The following ARHGEF10 variants were observed in gnomAD, a reference collection of about 807,000 sequenced individuals.
ARHGEF10 encodes Rho guanine nucleotide exchange factor (GEF) 10.
In ARHGEF10, 140 loss-of-function variants were observed where a neutral mutation model predicts 147.4. The ratio of observed to expected loss-of-function variants is 0.95; its 90% confidence interval spans 0.83 to 1.09. The LOEUF (loss-of-function observed/expected upper bound fraction) is 1.09, where lower values mean the gene tolerates loss of function less well. Among genes scored for constraint, ARHGEF10 ranks in the 50% least tolerant of loss-of-function variants. The pLI is 0.00. For missense variants in ARHGEF10, 2,222 were observed against 1,752.7 expected, an observed-to-expected ratio of 1.27 and a Z score of -4.78; for synonymous variants, 902 against 695.8, an observed-to-expected ratio of 1.30 and a Z score of -4.67.
intron 23 of ARHGEF10, 154 bp downstream of exon 23, chr8:1,926,617 G>A: frequency 1.4e-6 from 1 of 728,174 alleles, no homozygotes; most frequent in Non-Finnish European, 2.5e-6. Context: ...CTTTGAAAGG[G>A]AGCTGATCAC....
intron 17 of ARHGEF10, among the ~76,000 whole-genome samples, chr8:1,908,609 C>G (rs1204662638): frequency 6.6e-6 from 1 of 152,146 alleles, no homozygotes; most frequent in Non-Finnish European, 1.5e-5. Flanking sequence ...ATGGTTGATT[C>G]TGGAGGGTGG....
chr8:1,911,163 A>G (rs1312163123), intron 18 of ARHGEF10, among the ~76,000 whole-genome samples: 1 of 152,240 alleles, frequency 6.6e-6, no homozygotes. Context: ...GAAATATGCC[A>G]CATTGGAGAG....
At position 1,896,400 on chromosome 8, in the gene ARHGEF10, T is replaced by C; in HGVS notation, c.1508T>C (p.Val503Ala). Residue 503 changes from valine (V) to alanine (A), a missense_variant, in exon 14 of 29, where the codon GTC becomes GCC. Transcript: ENST00000349830. ...YVNNFSTAVA[V>A]LKKTCATKPA... ...AACAATTTCAGCACAGCCGTGGCAGTCCTCAAGAAAACATGTGCCACAAAG... is the reference window on the plus strand; with the variant it reads ...AACAATTTCAGCACAGCCGTGGCAGCCCTCAAGAAAACATGTGCCACAAAG... The C allele has an allele frequency of 1.2e-6, 2 of 1,614,108 alleles. No homozygotes were observed. The highest frequency in any genetic ancestry group is 1.7e-6 in the Non-Finnish European group (2 of 1,180,042).
At chr8:1,953,473 C>T (rs947898982) in intron 28 of ARHGEF10, among the ~76,000 whole-genome samples, 1 of 152,262 alleles carries the variant, frequency 6.6e-6, no homozygotes, top group Non-Finnish European at 1.5e-5. Flanking sequence ...CAGGCTGGAA[C>T]ACATGGCCTT....
At position 1,852,554 on chromosome 8, in the gene ARHGEF10, C is replaced by A. The variant is rs115896532; in HGVS notation, c.38-5406C>A. 8.6e-3 allele frequency among the ~76,000 whole-genome samples: 1,272 copies of A among 148,076 alleles called. 29 individuals carry two copies. Among genetic ancestry groups the A allele is most frequent in the African/African-American group, 0.03 (1,189 of 39,808 alleles). On this transcript the variant is annotated intron_variant, in intron 2 of 28. Transcript: ENST00000349830. ...CCTCTCCATCATCCTGGAGAGAACCCGGGAGCAGCACCTTTTCTAGCAGCA... is the reference window on the plus strand; with the variant it reads ...CCTCTCCATCATCCTGGAGAGAACCAGGGAGCAGCACCTTTTCTAGCAGCA...
In ARHGEF10 at chr8:1,956,991, G is replaced by C. The variant is rs145754440; in HGVS notation, c.3763G>C (p.Asp1255His). The stretch of plus-strand genomic sequence containing the variant: ...GCTGGGATCGATGACTCAGAAAAGC[G>C]ACCTGTCCTCCTCATCTGGGTCCCT... ...DSLGSMTQKS[D>H]LSSSSGSLSL... Residue 1255 changes from aspartate to histidine, a missense_variant, in exon 29 of 29, where the codon GAC (aspartate) becomes CAC (histidine). By Grantham distance (81) the Asp-to-His change is moderately conservative. Coordinates refer to ENST00000349830, the MANE Select transcript of ARHGEF10 (RefSeq NM_014629.4). 1.2e-6 allele frequency: 2 copies of C among 1,614,002 alleles called. No individual in the cohort carries two copies. Among genetic ancestry groups the C allele is most frequent in the Non-Finnish European group, 8.5e-7 (1 of 1,180,048 alleles).
At chr8:1,909,091 T>A (rs1383220827) in intron 17 of ARHGEF10, among the ~76,000 whole-genome samples, 3 of 152,216 alleles carry the variant, frequency 2.0e-5, no homozygotes, top group Non-Finnish European at 4.4e-5. Context: ...TTCCCTGCAC[T>A]CTCTCTCATC....
intron 2 of ARHGEF10, among the ~76,000 whole-genome samples, chr8:1,845,212 G>A (rs1804459968): frequency 1.3e-5 from 2 of 152,332 alleles, no homozygotes; most frequent in South Asian, 4.1e-4. Flanking sequence ...ATGAGATGAT[G>A]CCCCAGCAGA....
chr8:1,923,656 G>T (rs1048559604), intron 20 of ARHGEF10, 61 bp downstream of exon 20: 3 of 1,614,128 alleles, frequency 1.9e-6, no homozygotes, highest in East Asian at 4.5e-5. Context: ...ATGGTTCTTT[G>T]TCATGACATG....
intron 7 of ARHGEF10, chr8:1,876,102 T>A (rs531908243): frequency 1.1e-5 from 2 of 183,202 alleles, no homozygotes; most frequent in Non-Finnish European, 2.3e-5. Flanking sequence ...TACTTGAATA[T>A]CTGTATCATC....
intron 2 of ARHGEF10, among the ~76,000 whole-genome samples, chr8:1,854,511 C>G (rs1805400331): frequency 6.6e-6 from 1 of 152,180 alleles, no homozygotes; most frequent in African/African-American, 2.4e-5. Context: ...AAAGTCTTTC[C>G]CTGCAGTGTT....
intron 21 of ARHGEF10, 118 bp from the exon 22 acceptor site, chr8:1,925,165 G>T (rs1812588045): frequency 4.0e-6 from 5 of 1,250,432 alleles, no homozygotes. Flanking sequence ...ACATGGCGTT[G>T]TCTGGCCCTG....
At chr8:1,843,547 G>A (rs1171859346) in intron 2 of ARHGEF10, 111 bp downstream of exon 2, 2 of 837,640 alleles carry the variant, frequency 2.4e-6, no homozygotes, top group East Asian at 5.3e-5. Flanking sequence ...ATGGGGTGGA[G>A]TGAGAGCTTC....
chr8:1,887,745 TTGAGGAGACACGGAGTGGG>T (rs1808807715), intron 11 of ARHGEF10, among the ~76,000 whole-genome samples: 7 of 138,580 alleles, frequency 5.1e-5, no homozygotes, highest in African/African-American at 1.6e-4. Context: ...GATGAGGGTT[TTGAGGAGACACGGAGTGGG>T]GTGAGGGTTG....
intron 25 of ARHGEF10, 110 bp downstream of exon 25, chr8:1,929,553 T>C (rs1412979029): frequency 3.0e-6 from 4 of 1,338,252 alleles, no homozygotes; most frequent in Non-Finnish European, 4.0e-6. Flanking sequence ...CCCGCCCCTG[T>C]GCCTCCGCCC....
rs561933948 is a variant in ARHGEF10, at chr8:1,879,369, T to TA, written c.844-673dup. Among the ~76,000 whole-genome samples the TA allele has an allele frequency of 2.9e-4, 44 of 152,264 alleles. 2 individuals carry two copies. In the South Asian group the frequency reaches 8.3e-3, roughly 29 times the overall value. On this transcript the variant is annotated intron_variant, in intron 8 of 28. Transcript: ENST00000349830. The stretch of plus-strand genomic sequence containing the variant: ...AGTATCTTTTGCTTGGATGCCAACA[T>TA]AAAAAATGATTTTATGTATTTTTAT...
chr8:1,853,135 A>G (rs949016928), intron 2 of ARHGEF10, among the ~76,000 whole-genome samples: 1 of 152,190 alleles, frequency 6.6e-6, no homozygotes, highest in Non-Finnish European at 1.5e-5. Flanking sequence ...CACGGGCTGC[A>G]CTGCCGTCTG....
intron 18 of ARHGEF10, among the ~76,000 whole-genome samples, chr8:1,915,192 T>C (rs1363814027): frequency 6.6e-6 from 1 of 152,022 alleles, no homozygotes; most frequent in Non-Finnish European, 1.5e-5. Context: ...CACAAAGAGC[T>C]CTCAGAGAGG....
In ARHGEF10 at chr8:1,957,434, C is replaced by T; in HGVS notation, c.*171C>T. ...TGGTGGTGTCCCTGCCAATTCCTTC[C>T]TTCTCTTCTGTACAGCAGAAGTAAT... On this transcript the variant is annotated 3_prime_UTR_variant, in exon 29 of 29. Coordinates refer to ENST00000349830, the MANE Select transcript of ARHGEF10 (RefSeq NM_014629.4). 1.1e-6 allele frequency: 1 copy of T among 935,398 alleles called. No homozygotes were observed. Among genetic ancestry groups the T allele is most frequent in the Non-Finnish European group, 1.6e-6 (1 of 628,924 alleles). 57.9% of individuals were successfully genotyped at this position (935,398 alleles called of 1,614,324 possible). A position where few individuals can be genotyped will look rare whatever the true frequency, so the allele number is the denominator to read the frequency against.
Sources: gnomAD v4.1 joint callset for allele counts (sites outside exome capture counted in the v4.1 genomes callset) on GRCh38, gnomAD v4.1.1 for gene constraint, MANE v1.5 for transcripts, NCBI Gene and HGNC (gene_info 2026-07-23, HGNC 2026-07-21) for gene names.